RELN: variants seen among roughly 807,000 people sequenced by gnomAD.
RELN encodes the protein reelin.
Under a neutral mutation model 427.6 loss-of-function variants are expected in RELN, and 108 were observed. The observed-to-expected ratio is 0.25, with a 90% CI of 0.22 to 0.30. RELN has a LOEUF of 0.30. Ranked by LOEUF, RELN falls within the 10% of genes least tolerant of loss-of-function variation. RELN has a pLI of 1.00. For synonymous variants in RELN, 1,524 were observed against 1,513.4 expected (o/e 1.01, Z -0.16); for missense variants, 3,715 against 4,302.8 (o/e 0.86, Z 3.82).
At position 103,927,961 on chromosome 7, in the gene RELN, TA is replaced by T. The variant is rs1795782740; in HGVS notation, c.227-10777del. 2.0e-5 allele frequency among the ~76,000 whole-genome samples: 3 copies of T among 152,202 alleles called. No individual in the cohort carries two copies. The South Asian group carries it at 6.2e-4, about 32-fold the overall frequency. On this transcript the variant is annotated intron_variant, in intron 1 of 64. Transcript: ENST00000428762. ...TCCTCATTTTCTGGTATACAATTTC[TA>T]AGTAAATCTTAATCTACCCTTAGCA...
At chr7:103,628,955 T>C (rs76624694) in intron 20 of RELN, among the ~76,000 whole-genome samples, 6,140 of 152,216 alleles carry the variant, frequency 0.04, 171 homozygotes, top group East Asian at 0.14. Context: ...CACTCACTAC[T>C]TCACTACCTG....
At chr7:103,710,596 T>C (rs892271828) in intron 8 of RELN, among the ~76,000 whole-genome samples, 1 of 152,248 alleles carries the variant, frequency 6.6e-6, no homozygotes, top group African/African-American at 2.4e-5. Flanking sequence ...TTTCCAATTC[T>C]ATAGTGATTC....
rs973713965 is a variant in RELN, at chr7:103,632,738, G to T, written c.2466-2562C>A. Among the ~76,000 whole-genome samples the T allele has an allele frequency of 2.0e-4, 30 of 151,978 alleles. 1 individual carries two copies. The highest frequency in any genetic ancestry group is 5.9e-5 in the Non-Finnish European group (4 of 68,002). ...CATAGATTTTTTTAAATGTTTTATA[G>T]TAATATGTACTATTGAATTGGGTGA... On this transcript the variant is annotated intron_variant, in intron 19 of 64. Transcript: ENST00000428762.
At chr7:103,976,311 C>G (rs1243769072) in intron 1 of RELN, among the ~76,000 whole-genome samples, 2 of 152,150 alleles carry the variant, frequency 1.3e-5, no homozygotes, top group Non-Finnish European at 2.9e-5. Context: ...TATACGATGT[C>G]TTAGGTGTAG....
intron 6 of RELN, among the ~76,000 whole-genome samples, chr7:103,729,219 G>T (rs780452100): frequency 1.3e-5 from 2 of 152,140 alleles, no homozygotes; most frequent in Non-Finnish European, 2.9e-5. Context: ...TCACATTCCA[G>T]GTGCCAAACA....
At chr7:103,577,558 C>CAAAAAAA (rs11323336) in intron 28 of RELN, among the ~76,000 whole-genome samples, 1 of 113,602 alleles carries the variant, frequency 8.8e-6, no homozygotes, top group Admixed American at 9.1e-5. Flanking sequence ...AAAGCAAAAG[C>CAAAAAAA]AAAAAAAAAA....
intron 4 of RELN, among the ~76,000 whole-genome samples, chr7:103,773,877 G>A (rs371263683): frequency 1.3e-5 from 2 of 152,186 alleles, no homozygotes; most frequent in African/African-American, 4.8e-5. Flanking sequence ...CCATAGACCC[G>A]TCATTTGTAT....
chr7:103,945,207 AACAAAATTGACCAATTTG>A (rs1182592308), intron 1 of RELN, among the ~76,000 whole-genome samples: 2 of 152,148 alleles, frequency 1.3e-5, no homozygotes, highest in African/African-American at 4.8e-5. Flanking sequence ...AGAACAGCAG[AACAAAATTGACCAATTTG>A]ACAAAATTGA....
At chr7:103,549,223 T>C (rs1489671882) in intron 41 of RELN, among the ~76,000 whole-genome samples, 1 of 151,998 alleles carries the variant, frequency 6.6e-6, no homozygotes, top group African/African-American at 2.4e-5. Flanking sequence ...ACTTGTGGAG[T>C]AGCTGGGAAG....
chr7:103,944,859 G>A (rs1019765327), intron 1 of RELN, among the ~76,000 whole-genome samples: 3 of 151,970 alleles, frequency 2.0e-5, no homozygotes, highest in Non-Finnish European at 2.9e-5. Flanking sequence ...AGGCTGTTTC[G>A]GTTTGGGTTA....
rs149709102 is a variant in RELN at position 103,987,521 on chromosome 7, T to C, written c.226+1610A>G. Among the ~76,000 whole-genome samples, 17 of 152,344 alleles carry C rather than the reference T, an allele frequency of 1.1e-4. No homozygotes were observed. The East Asian group carries it at 2.1e-3, about 19-fold the overall frequency. Reference sequence around the variant, plus strand: ...AATAATAAAGCTTTGTATCATCACATGGTCTTCCATCATAACCTGACAGTC... The same window carrying C: ...AATAATAAAGCTTTGTATCATCACACGGTCTTCCATCATAACCTGACAGTC... On this transcript the variant is annotated intron_variant, in intron 1 of 64. Transcript: ENST00000428762.
At chr7:103,952,112 G>C (rs1563108448) in intron 1 of RELN, among the ~76,000 whole-genome samples, 2 of 152,316 alleles carry the variant, frequency 1.3e-5, no homozygotes, top group East Asian at 3.9e-4. Flanking sequence ...AATAATTTAG[G>C]TTGGGTGCCA....
At chr7:103,776,667 T>A in intron 3 of RELN, 40 bp from the exon 4 acceptor site, 2 of 1,595,814 alleles carry the variant, frequency 1.3e-6, no homozygotes, top group African/African-American at 1.3e-5. Flanking sequence ...ACTCTTGTAA[T>A]ATGTTTGGTG....
At position 103,512,450 on chromosome 7, in the gene RELN, A is replaced by C. The variant is rs531934986; in HGVS notation, c.8120-1445T>G. Among the ~76,000 whole-genome samples, 15 of 152,342 alleles carry C rather than the reference A, an allele frequency of 9.8e-5. No individual in the cohort carries two copies. The East Asian group carries it at 2.7e-3, about 27-fold the overall frequency. On this transcript the variant is annotated intron_variant, in intron 50 of 64. Transcript: ENST00000428762. ...AGTATTCTGGATAGATATTTCTTTT[A>C]ATAAGTCTTGACTCCTAAACCTGAT...
In RELN at chr7:103,776,541, C is replaced by T. The variant is rs185438910; in HGVS notation, c.544+16G>A. On this transcript the variant is annotated intron_variant, in intron 4 of 64. Coordinates refer to ENST00000428762, the MANE Select transcript of RELN (RefSeq NM_005045.4). ...TAGTTTGGACATAACACAAACAAATCAAATGTGACGCTTACCTCCTTGTTC... is the reference window on the plus strand; with the variant it reads ...TAGTTTGGACATAACACAAACAAATTAAATGTGACGCTTACCTCCTTGTTC... The T allele has an allele frequency of 1.2e-5, 20 of 1,613,822 alleles. No homozygotes were observed. The Middle Eastern group carries it at 6.6e-4, about 53-fold the overall frequency.
intron 51 of RELN, among the ~76,000 whole-genome samples, chr7:103,505,372 A>G (rs1179227109): frequency 6.6e-6 from 1 of 152,170 alleles, no homozygotes; most frequent in Non-Finnish European, 1.5e-5. Flanking sequence ...AGAGGAAGGA[A>G]CAGGCAGCAA....
rs368494804 is a variant in RELN at position 103,652,777 on chromosome 7, C to G, written c.1555-18G>C. ...GACGGAACCTTTCAAACAAAGGAGA[C>G]CAGAATCACTCAAAATCCTTTCTAG... On this transcript the variant is annotated intron_variant, in intron 13 of 64. Transcript: ENST00000428762. 9 of 1,608,094 alleles carry G rather than the reference C, an allele frequency of 5.6e-6. No individual in the cohort carries two copies. The African/African-American group carries it at 8.0e-5, about 14-fold the overall frequency.
intron 1 of RELN, among the ~76,000 whole-genome samples, chr7:103,981,863 C>T (rs982628927): frequency 6.6e-6 from 1 of 152,192 alleles, no homozygotes; most frequent in Non-Finnish European, 1.5e-5. Context: ...TCAGTTTTAT[C>T]AAGAGTCTTC....
At chr7:103,951,617 A>T (rs1796332584) in intron 1 of RELN, among the ~76,000 whole-genome samples, 1 of 151,820 alleles carries the variant, frequency 6.6e-6, no homozygotes, top group African/African-American at 2.4e-5. Flanking sequence ...ACCCATTGCC[A>T]TGAAAACATT....
Sources: gnomAD v4.1 joint callset for allele counts (sites outside exome capture counted in the v4.1 genomes callset) on GRCh38, gnomAD v4.1.1 for gene constraint, MANE v1.5 for transcripts, NCBI Gene and HGNC (gene_info 2026-07-23, HGNC 2026-07-21) for gene names.